Variants in ONECUT2 observed in about 807,000 individuals in gnomAD.
ONECUT2 encodes the protein one cut homeobox 2.
ONECUT2 carries 10 observed loss-of-function variants against 27.9 expected under a neutral mutation model. The observed-to-expected ratio is 0.36, with a 90% confidence interval of 0.22 to 0.61. ONECUT2 has a LOEUF of 0.61. ONECUT2 is among the 20% of genes least tolerant of loss of function. ONECUT2 has a pLI of 0.73. For synonymous variants in ONECUT2, 334 were observed against 315.1 expected (o/e 1.06, Z -0.64); for missense variants, 686 against 721.0 (o/e 0.95, Z 0.56).
At chr18:57,461,583 TAA>T (rs1394156504) in intron 1 of ONECUT2, among the ~76,000 whole-genome samples, 2 of 152,198 alleles carry the variant, frequency 1.3e-5, no homozygotes, top group Non-Finnish European at 2.9e-5. Context: ...AGAAGCCCAA[TAA>T]GAGTCACTTC....
At chr18:57,437,821 A>C (rs1044682999) in intron 1 of ONECUT2, among the ~76,000 whole-genome samples, 1 of 152,224 alleles carries the variant, frequency 6.6e-6, no homozygotes, top group Non-Finnish European at 1.5e-5. Flanking sequence ...GACCCTGAGC[A>C]CTCGCAGGAA....
At chr18:57,439,441 A>T (rs1428126282) in intron 1 of ONECUT2, among the ~76,000 whole-genome samples, 1 of 152,234 alleles carries the variant, frequency 6.6e-6, no homozygotes. Context: ...TTGAAAAGGG[A>T]CAAGAGCTTT....
In ONECUT2 at chr18:57,480,495, T is replaced by G. The variant is rs952252709; in HGVS notation, c.*3772T>G. ...CATCCTCTGAAGATGTCTAGACTAG[T>G]AGAGGCTGCCTTTGTGACCTGACAT... On this transcript the variant is annotated 3_prime_UTR_variant, in exon 2 of 2. Transcript: ENST00000491143. 2.0e-5 allele frequency: 3 copies of G among 152,006 alleles called. No individual in the cohort carries two copies. The highest frequency in any genetic ancestry group is 4.4e-5 in the Non-Finnish European group (3 of 68,032). 9.4% of individuals were successfully genotyped at this position (152,006 alleles called of 1,614,324 possible).
At chr18:57,438,703 C>T (rs543992840) in intron 1 of ONECUT2, among the ~76,000 whole-genome samples, 103 of 152,214 alleles carry the variant, frequency 6.8e-4, no homozygotes, top group Non-Finnish European at 1.1e-3. Context: ...AAGAGCCTCC[C>T]CCAAATCGGC....
chr18:57,473,272 C>T (rs925464393), intron 1 of ONECUT2, among the ~76,000 whole-genome samples: 2 of 152,180 alleles, frequency 1.3e-5, no homozygotes, highest in Non-Finnish European at 2.9e-5. Flanking sequence ...CTGCAGCAAA[C>T]CTGGGATGCG....
At position 57,490,080 on chromosome 18, in the gene ONECUT2, T is replaced by C. The variant is rs2050457527; in HGVS notation, c.*13357T>C. On this transcript the variant is annotated 3_prime_UTR_variant, in exon 2 of 2. Transcript: ENST00000491143. ...TTCAATTAGTTCTCTTCTTCATCTT[T>C]GCATTTCTCAAAAGTGTTCTCCTGG... 2.0e-5 allele frequency: 3 copies of C among 152,212 alleles called. No individual in the cohort carries two copies. The allele number at this position is 152,212 out of a possible 1,614,324, so 9.4% of individuals were successfully genotyped here. A position where few individuals can be genotyped will look rare whatever the true frequency, so the allele number is the denominator to read the frequency against.
intron 1 of ONECUT2, among the ~76,000 whole-genome samples, chr18:57,453,189 G>A (rs940915142): frequency 6.6e-6 from 1 of 152,068 alleles, no homozygotes; most frequent in Non-Finnish European, 1.5e-5. Flanking sequence ...GTGCACAGAG[G>A]GCTACTTGAG....
chr18:57,438,482 C>T (rs2050156504), intron 1 of ONECUT2, among the ~76,000 whole-genome samples: 1 of 152,226 alleles, frequency 6.6e-6, no homozygotes, highest in Admixed American at 6.5e-5. Context: ...GCTTTCCTCG[C>T]ACCGCTGAGC....
chr18:57,462,147 A>G (rs529249025), intron 1 of ONECUT2, among the ~76,000 whole-genome samples: 1 of 152,208 alleles, frequency 6.6e-6, no homozygotes. Context: ...CTAATTTGCA[A>G]TTCCTGGATT....
intron 1 of ONECUT2, among the ~76,000 whole-genome samples, chr18:57,457,022 T>A (rs1312233146): frequency 6.6e-6 from 1 of 151,024 alleles, no homozygotes; most frequent in Non-Finnish European, 1.5e-5. Flanking sequence ...TACTGCCATG[T>A]TGCTTTCAGT....
chr18:57,477,900 T>A lies in ONECUT2; in HGVS notation c.*1177T>A, dbSNP rs2050393648. 6.6e-6 allele frequency: 1 copy of A among 152,594 alleles called. No homozygotes were observed. Among genetic ancestry groups the A allele is most frequent in the Admixed American group, 6.5e-5 (1 of 15,278 alleles). 9.5% of individuals were successfully genotyped at this position (152,594 alleles called of 1,614,324 possible). ...AAAAAATCAATCAATCAAACCTGCA[T>A]ACATGTTACTCATGACTGTCATCTA... is the stretch of plus-strand genomic sequence containing the variant. On this transcript the variant is annotated 3_prime_UTR_variant, in exon 2 of 2. Coordinates refer to ENST00000491143, the MANE Select transcript of ONECUT2 (RefSeq NM_004852.3).
intron 1 of ONECUT2, among the ~76,000 whole-genome samples, chr18:57,437,909 C>A (rs1409327431): frequency 1.3e-5 from 2 of 152,238 alleles, no homozygotes; most frequent in Non-Finnish European, 2.9e-5. Context: ...TTGCATTAAG[C>A]GGGCGCTGAT....
Position 57,436,609 on chromosome 18 carries a change from C to CG in ONECUT2, c.896dup (p.His300ProfsTer81). The stretch of plus-strand genomic sequence containing the variant: ...TCGCACCTGAACGGCCTGCACCACC[C>CG]GGGCCACACTCAGTCTCACGGGCCG... On this transcript the variant is annotated frameshift_variant, in exon 1 of 2. Transcript: ENST00000491143. LOFTEE classifies it high-confidence loss of function. The surrounding 1 kb of genome is among the most constrained non-coding windows in gnomAD (Gnocchi z 5.9). 6.2e-7 allele frequency: 1 copy of CG among 1,610,856 alleles called. No individual in the cohort carries two copies. The highest frequency in any genetic ancestry group is 8.5e-7 in the Non-Finnish European group (1 of 1,179,888).
chr18:57,438,998 T>C (rs1447828500), intron 1 of ONECUT2, among the ~76,000 whole-genome samples: 1 of 152,094 alleles, frequency 6.6e-6, no homozygotes, highest in Non-Finnish European at 1.5e-5. Flanking sequence ...TGGCAGCTGG[T>C]CTTAGGGGTA....
In ONECUT2 at chr18:57,435,964, C is replaced by T; in HGVS notation, c.248C>T (p.Pro83Leu). The T allele has an allele frequency of 2.2e-6, 3 of 1,369,464 alleles. No homozygotes were observed. Among genetic ancestry groups the T allele is most frequent in the Non-Finnish European group, 2.8e-6 (3 of 1,068,674 alleles). The allele number at this position is 1,369,464 out of a possible 1,614,324, so 84.8% of individuals were successfully genotyped here. The change falls in exon 1 of 2, where the codon CCG becomes CTG. Residue 83 changes from proline (P) to leucine (L), a missense_variant. By Grantham distance (98) the Pro-to-Leu change is moderately conservative (BLOSUM62 -3). This residue lies in a region of ONECUT2 where 511 missense variants were observed against 488.1 expected (regional missense o/e 1.05). Transcript: ENST00000491143. ...GCTGGCTCGCTGCGGGGCCCTCCGCCGCCTCCAACCGCGCACCAGGAGCTG... is the reference window on the plus strand; with the variant it reads ...GCTGGCTCGCTGCGGGGCCCTCCGCTGCCTCCAACCGCGCACCAGGAGCTG... ...GAAGSLRGPP[P>L]PPTAHQELGT...
At chr18:57,475,353 G>C (rs184031431) in intron 1 of ONECUT2, among the ~76,000 whole-genome samples, 6 of 152,230 alleles carry the variant, frequency 3.9e-5, no homozygotes, top group Admixed American at 1.3e-4. Flanking sequence ...ACTGCACCTG[G>C]CCATTTCAAG....
At chr18:57,444,978 TA>T (rs2050193667) in intron 1 of ONECUT2, among the ~76,000 whole-genome samples, 1 of 152,166 alleles carries the variant, frequency 6.6e-6, no homozygotes, top group African/African-American at 2.4e-5. Context: ...CTCATTCTTC[TA>T]AAATGACATG....
chr18:57,436,555 G>A lies in ONECUT2; in HGVS notation c.839G>A (p.Gly280Asp). 5 of 1,611,704 alleles carry A rather than the reference G, an allele frequency of 3.1e-6. No homozygotes were observed. Among genetic ancestry groups the A allele is most frequent in the Non-Finnish European group, 2.5e-6 (3 of 1,179,882 alleles). ...LTRGEQHLSR[G>D]LGTPPAAMMS... Reference sequence around the variant, plus strand: ...CGCGGTGAGCAACACCTGTCCCGCGGCCTGGGCACCCCACCTGCGGCCATG... The same window carrying A: ...CGCGGTGAGCAACACCTGTCCCGCGACCTGGGCACCCCACCTGCGGCCATG... Residue 280 changes from glycine (G) to aspartate (D), a missense_variant, in exon 1 of 2, where the codon GGC becomes GAC. By Grantham distance (94) the Gly-to-Asp change is moderately conservative. Transcript: ENST00000491143. The surrounding 1 kb of genome is among the most constrained non-coding windows in gnomAD (Gnocchi z 5.9).
chr18:57,476,474 G>T lies in ONECUT2; in HGVS notation c.1266G>T (p.Arg422Ser). ...AAGAGCAAGAACCAAACAAAGACAGGAACAATTCCCAGAAGAAGTCCCGCC... is the reference window on the plus strand; with the variant it reads ...AAGAGCAAGAACCAAACAAAGACAGTAACAATTCCCAGAAGAAGTCCCGCC... Reference protein sequence around the residue: ...KRKEQEPNKDRNNSQKKSRLV... With the variant: ...KRKEQEPNKDSNNSQKKSRLV... Residue 422 changes from arginine (R) to serine (S), a missense_variant, in exon 2 of 2, where the codon AGG becomes AGT. By Grantham distance (110) the Arg-to-Ser change is moderately radical (BLOSUM62 -1). Coordinates refer to ENST00000491143, the MANE Select transcript of ONECUT2 (RefSeq NM_004852.3). The T allele has an allele frequency of 6.2e-7, 1 of 1,614,212 alleles. No homozygotes were observed. Among genetic ancestry groups the T allele is most frequent in the Non-Finnish European group, 8.5e-7 (1 of 1,180,034 alleles).
Sources: allele counts gnomAD v4.1 joint callset (sites outside exome capture counted in the v4.1 genomes callset), GRCh38; gene constraint gnomAD v4.1.1; regional missense constraint gnomAD v4.1.1; non-coding constraint Gnocchi (gnomAD v3.1); transcripts MANE v1.5; gene names NCBI Gene and HGNC (gene_info 2026-07-23, HGNC 2026-07-21).